Variants in NRG1 observed in about 807,000 individuals in gnomAD.
NRG1 encodes neuregulin 1, also known as pro-neuregulin-1, membrane-bound isoform.
NRG1 carries 18 observed loss-of-function variants against 63.8 expected under a neutral mutation model. The ratio of observed to expected loss-of-function variants is 0.28; its 90% CI spans 0.19 to 0.42. NRG1 has a LOEUF of 0.42. NRG1 is among the 10% of genes least tolerant of loss of function. The pLI, the probability that NRG1 is intolerant of heterozygous loss-of-function variation, is 1.00. For missense variants in NRG1, 762 were observed against 814.7 expected, an observed-to-expected ratio of 0.94 and a Z score of 0.79; for synonymous variants, 302 against 301.3, an observed-to-expected ratio of 1.00 and a Z score of -0.02.
intron 1 of NRG1, among the ~76,000 whole-genome samples, chr8:31,792,705 G>A (rs1820833597): frequency 6.6e-6 from 1 of 152,130 alleles, no homozygotes; most frequent in African/African-American, 2.4e-5. Context: ...TTACGTCTTG[G>A]CCTTACAGAC....
chr8:32,409,955 C>T (rs1449951823), intron 1 of NRG1, among the ~76,000 whole-genome samples: 4 of 151,992 alleles, frequency 2.6e-5, no homozygotes, highest in Non-Finnish European at 5.9e-5. Flanking sequence ...GCAGGGTGTA[C>T]CATCGTTATC....
At chr8:32,399,857 T>C (rs1168875106) in intron 1 of NRG1, among the ~76,000 whole-genome samples, 1 of 152,214 alleles carries the variant, frequency 6.6e-6, no homozygotes, top group Admixed American at 6.5e-5. Flanking sequence ...AAATTTTCCA[T>C]GTCTTCTGCA....
At chr8:31,883,432 C>G (rs930290433) in intron 1 of NRG1, among the ~76,000 whole-genome samples, 4 of 151,992 alleles carry the variant, frequency 2.6e-5, no homozygotes, top group African/African-American at 9.7e-5. Flanking sequence ...TAGAACTGAA[C>G]CTGTAATATC....
intron 5 of NRG1, among the ~76,000 whole-genome samples, chr8:32,703,676 A>C (rs1424642209): frequency 2.0e-5 from 3 of 152,250 alleles, no homozygotes; most frequent in African/African-American, 7.2e-5. Flanking sequence ...TTTAGAATAC[A>C]AACTGTTTAG....
At chr8:32,645,811 A>T (rs867335748) in intron 5 of NRG1, among the ~76,000 whole-genome samples, 4 of 152,226 alleles carry the variant, frequency 2.6e-5, no homozygotes, top group Admixed American at 2.6e-4. Context: ...AGTGATGTGC[A>T]GCACAGTGCT....
chr8:31,879,610 A>G (rs1191682598), intron 1 of NRG1, among the ~76,000 whole-genome samples: 1 of 152,156 alleles, frequency 6.6e-6, no homozygotes, highest in Non-Finnish European at 1.5e-5. Flanking sequence ...TGTTATAAAG[A>G]TAAACACGTC....
chr8:32,003,294 A>C (rs1813242020), intron 1 of NRG1, among the ~76,000 whole-genome samples: 1 of 152,096 alleles, frequency 6.6e-6, no homozygotes, highest in African/African-American at 2.4e-5. Context: ...AAGGATATAA[A>C]ATCAGTAATT....
chr8:31,806,151 A>G (rs916115218), intron 1 of NRG1, among the ~76,000 whole-genome samples: 1 of 152,180 alleles, frequency 6.6e-6, no homozygotes, highest in Admixed American at 6.5e-5. Context: ...CTTGATTATA[A>G]TAGTCAAAAA....
intron 1 of NRG1, among the ~76,000 whole-genome samples, chr8:32,067,652 C>T (rs895412245): frequency 1.3e-5 from 2 of 152,086 alleles, no homozygotes; most frequent in Admixed American, 1.3e-4. Flanking sequence ...GAAGTTACTA[C>T]CAAGCATTTG....
At chr8:31,934,188 T>A (rs1367206978) in intron 1 of NRG1, among the ~76,000 whole-genome samples, 1 of 152,128 alleles carries the variant, frequency 6.6e-6, no homozygotes, top group East Asian at 1.9e-4. Context: ...ACTTTTTTGA[T>A]GTATATGTTG....
intron 1 of NRG1, among the ~76,000 whole-genome samples, chr8:31,855,230 A>T (rs1240934902): frequency 2.0e-5 from 3 of 152,202 alleles, no homozygotes; most frequent in African/African-American, 4.8e-5. Context: ...TCTCCCATTA[A>T]CAATGTGTGG....
chr8:32,514,655 A>G (rs1829605308), intron 1 of NRG1, among the ~76,000 whole-genome samples: 6 of 152,076 alleles, frequency 3.9e-5, no homozygotes, highest in Admixed American at 3.9e-4. Context: ...ATGGATAGTG[A>G]TTTATGCCAG....
intron 1 of NRG1, among the ~76,000 whole-genome samples, chr8:32,290,793 G>A (rs10481039): frequency 0.05 from 7,667 of 152,102 alleles, 475 homozygotes; most frequent in African/African-American, 0.15. Flanking sequence ...TTATTCTTAT[G>A]TCTATTCTAT....
chr8:32,152,793 G>C (rs1160296866), intron 1 of NRG1, among the ~76,000 whole-genome samples: 1 of 152,050 alleles, frequency 6.6e-6, no homozygotes, highest in Non-Finnish European at 1.5e-5. Context: ...TCAAAAAAAA[G>C]TTTTAAATTA....
At chr8:32,327,179 T>G (rs1802120807) in intron 1 of NRG1, among the ~76,000 whole-genome samples, 1 of 152,208 alleles carries the variant, frequency 6.6e-6, no homozygotes, top group Non-Finnish European at 1.5e-5. Context: ...GGTTTCTGTT[T>G]ATTTGAACCT....
chr8:32,545,537 CA>C (rs1435897275), upstream of NRG1, among the ~76,000 whole-genome samples: 1 of 150,660 alleles, frequency 6.6e-6, no homozygotes, highest in Non-Finnish European at 1.5e-5. Flanking sequence ...TGGTCAGTTC[CA>C]AGGTTTTTTA....
At chr8:31,822,900 A>G (rs1251855282) in intron 1 of NRG1, among the ~76,000 whole-genome samples, 1 of 152,142 alleles carries the variant, frequency 6.6e-6, no homozygotes, top group Non-Finnish European at 1.5e-5. Flanking sequence ...ATTGGTACCC[A>G]AGAAGCCAAC....
intron 1 of NRG1, among the ~76,000 whole-genome samples, chr8:31,755,729 G>A (rs1366504314): frequency 4.6e-5 from 7 of 152,154 alleles, no homozygotes; most frequent in South Asian, 2.1e-4. Context: ...CTGCAGCAGC[G>A]CGTATTTACT....
intron 1 of NRG1, among the ~76,000 whole-genome samples, chr8:32,103,080 C>T (rs892296670): frequency 1.3e-5 from 2 of 152,048 alleles, no homozygotes; most frequent in African/African-American, 4.8e-5. Context: ...TTAAAATGTA[C>T]AAATACATTA....
Sources: gnomAD v4.1 joint callset for allele counts (sites outside exome capture counted in the v4.1 genomes callset) on GRCh38, gnomAD v4.1.1 for gene constraint, MANE v1.5 for transcripts, NCBI Gene and HGNC (gene_info 2026-07-23, HGNC 2026-07-21) for gene names.